Variants in NAA35 observed in about 807,000 individuals in gnomAD.
NAA35 encodes the protein MAK10 homolog, amino-acid N-acetyltransferase subunit.
Under a neutral mutation model 101.7 loss-of-function variants are expected in NAA35, and 18 were observed. The ratio of observed to expected loss-of-function variants is 0.18; its 90% CI spans 0.12 to 0.26. The LOEUF (loss-of-function observed/expected upper bound fraction) is 0.26, where lower values mean the gene tolerates loss of function less well. Ranked by LOEUF, NAA35 falls within the 10% of genes least tolerant of loss-of-function variation. NAA35 has a pLI of 1.00. For synonymous variants in NAA35, 267 were observed against 273.1 expected (o/e 0.98, Z 0.22); for missense variants, 601 against 886.8 (o/e 0.68, Z 4.09).
chr9:86,015,729 T>G, intron 17 of NAA35: 1 of 933,754 alleles, frequency 1.1e-6, no homozygotes, highest in Non-Finnish European at 1.3e-6. Flanking sequence ...GTACCTGATA[T>G]TTGAGAAGAA....
chr9:86,014,400 C>T, intron 17 of NAA35: 1 of 970,474 alleles, frequency 1.0e-6, no homozygotes. Context: ...CACTTGCGGA[C>T]AAAATAAACC....
At chr9:85,989,879 C>T (rs1229074883) in intron 11 of NAA35, among the ~76,000 whole-genome samples, 1 of 152,182 alleles carries the variant, frequency 6.6e-6, no homozygotes, top group East Asian at 1.9e-4. Flanking sequence ...TCCAGAGATA[C>T]TGGTTAAAGC....
Position 86,009,833 on chromosome 9 carries a change from T to C in NAA35, c.1224-32T>C, listed in dbSNP as rs1554777843. ...TGCTGCTGCTTTTGTTTGGGCTGAATAGATTTTAATGATGTGACTGTTATC... is the reference window on the plus strand; with the variant it reads ...TGCTGCTGCTTTTGTTTGGGCTGAACAGATTTTAATGATGTGACTGTTATC... On this transcript the variant is annotated intron_variant, in intron 14 of 22. Coordinates refer to ENST00000361671, the MANE Select transcript of NAA35 (RefSeq NM_024635.4). 16 of 1,560,410 alleles carry C rather than the reference T, an allele frequency of 1.0e-5. No individual in the cohort carries two copies. In the South Asian group the frequency reaches 1.7e-4, roughly 16 times the overall value.
chr9:86,016,442 C>A, intron 17 of NAA35, 97 bp from the exon 18 acceptor site: 3 of 1,047,802 alleles, frequency 2.9e-6, no homozygotes, highest in Non-Finnish European at 4.1e-6. Flanking sequence ...TTTTAAAGAC[C>A]TAAAGCATTA....
intron 11 of NAA35, among the ~76,000 whole-genome samples, chr9:85,993,252 A>G (rs2118227366): frequency 6.6e-6 from 1 of 152,344 alleles, no homozygotes; most frequent in Non-Finnish European, 1.5e-5. Context: ...AGCTTACTGC[A>G]ACCTTTGCCT....
At chr9:85,948,512 C>T (rs1828863508) in intron 2 of NAA35, among the ~76,000 whole-genome samples, 1 of 152,064 alleles carries the variant, frequency 6.6e-6, no homozygotes, top group Non-Finnish European at 1.5e-5. Context: ...CTTCATCAGC[C>T]TGGGGTGTCT....
chr9:85,950,487 C>T (rs1316797499), intron 2 of NAA35, among the ~76,000 whole-genome samples: 11 of 152,064 alleles, frequency 7.2e-5, no homozygotes, highest in Non-Finnish European at 1.0e-4. Context: ...TCAGGTGAAC[C>T]GCCTGCCTTG....
At chr9:85,981,424 T>C (rs1830433942) in intron 11 of NAA35, among the ~76,000 whole-genome samples, 1 of 152,228 alleles carries the variant, frequency 6.6e-6, no homozygotes. Context: ...TCTGGATGTT[T>C]CTTTTTGCCA....
intron 6 of NAA35, among the ~76,000 whole-genome samples, chr9:85,969,848 ACT>A (rs952753822): frequency 1.0e-4 from 15 of 145,646 alleles, no homozygotes; most frequent in Non-Finnish European, 2.2e-4. Context: ...TGGTCAAATG[ACT>A]CTGTCTCTTA....
At chr9:85,999,078 A>T (rs1041001647) in intron 12 of NAA35, among the ~76,000 whole-genome samples, 2 of 152,194 alleles carry the variant, frequency 1.3e-5, no homozygotes, top group Non-Finnish European at 2.9e-5. Flanking sequence ...TTCACTGATT[A>T]TGCCTTTAAT....
intron 12 of NAA35, among the ~76,000 whole-genome samples, chr9:86,002,920 A>C (rs1587645307): frequency 6.6e-6 from 1 of 152,292 alleles, no homozygotes; most frequent in Admixed American, 6.5e-5. Context: ...CACTCTGGCC[A>C]TTTGAGTTAC....
In NAA35 at chr9:85,969,151, G is replaced by A. The variant is rs542138192; in HGVS notation, c.517-5816G>A. Among the ~76,000 whole-genome samples the A allele has an allele frequency of 2.0e-5, 3 of 150,642 alleles. No homozygotes were observed. The East Asian group carries it at 5.8e-4, about 29-fold the overall frequency. On this transcript the variant is annotated intron_variant, in intron 6 of 22. Transcript: ENST00000361671. ...TGTTCTCCAGGAATTTCATTGTTTT[G>A]TTAGGTCCCTTGTTATCTGGCCCAC...
chr9:85,945,137 A>G (rs532988033), intron 2 of NAA35, among the ~76,000 whole-genome samples: 2 of 152,324 alleles, frequency 1.3e-5, no homozygotes, highest in Admixed American at 6.5e-5. Flanking sequence ...AGTGGGAGAT[A>G]AAGTTTAATC....
rs551729109 is a variant in NAA35, at chr9:85,954,462, A to G, written c.125-1898A>G. Among the ~76,000 whole-genome samples, 3 of 152,322 alleles carry G rather than the reference A, an allele frequency of 2.0e-5. No individual in the cohort carries two copies. In the East Asian group the frequency reaches 5.8e-4, roughly 29 times the overall value. ...TTTACAAACCTACCAGCAGTGCACA[A>G]GGGTTTCAGTTTCTCCACATCCTCA... On this transcript the variant is annotated intron_variant, in intron 2 of 22. Transcript: ENST00000361671.
chr9:85,945,837 T>C (rs1828739265), intron 2 of NAA35, among the ~76,000 whole-genome samples: 1 of 152,124 alleles, frequency 6.6e-6, no homozygotes, highest in African/African-American at 2.4e-5. Flanking sequence ...GTGATTTTTT[T>C]AGTACCACAA....
intron 2 of NAA35, among the ~76,000 whole-genome samples, chr9:85,955,297 C>T (rs1380313005): frequency 7.1e-6 from 1 of 141,044 alleles, no homozygotes; most frequent in Non-Finnish European, 1.5e-5. Context: ...TGCTTTTTTA[C>T]ACCTTCCACA....
At chr9:85,981,862 A>G (rs900841015) in intron 11 of NAA35, among the ~76,000 whole-genome samples, 1 of 152,124 alleles carries the variant, frequency 6.6e-6, no homozygotes, top group African/African-American at 2.4e-5. Context: ...AATAGTATAG[A>G]TTAGTTTTGG....
At chr9:85,969,643 T>A (rs1160630763) in intron 6 of NAA35, among the ~76,000 whole-genome samples, 1 of 152,040 alleles carries the variant, frequency 6.6e-6, no homozygotes, top group African/African-American at 2.4e-5. Context: ...TTCAGCCAGA[T>A]CCTTTTTAAA....
chr9:86,006,835 C>G (rs1831666234), intron 13 of NAA35, among the ~76,000 whole-genome samples: 1 of 151,846 alleles, frequency 6.6e-6, no homozygotes, highest in South Asian at 2.1e-4. Flanking sequence ...CTTAGGAAAT[C>G]AAGGTATGGT....
Sources: gnomAD v4.1 joint callset for allele counts (sites outside exome capture counted in the v4.1 genomes callset) on GRCh38, gnomAD v4.1.1 for gene constraint, MANE v1.5 for transcripts, NCBI Gene and HGNC (gene_info 2026-07-23, HGNC 2026-07-21) for gene names.